YPEL2: variants seen among roughly 807,000 people sequenced by gnomAD.
YPEL2 encodes protein yippee-like 2.
YPEL2 carries 2 observed loss-of-function variants against 19.1 expected under a neutral mutation model. That is an observed-to-expected ratio of 0.10 (90% confidence interval 0.04 to 0.33). YPEL2 has a LOEUF of 0.33. YPEL2 is among the 10% of genes least tolerant of loss of function. YPEL2 has a pLI of 1.00. For missense variants in YPEL2, 66 were observed against 140.7 expected (o/e 0.47, Z 2.68); for synonymous variants, 52 against 50.0 (o/e 1.04, Z -0.17).
intron 4 of YPEL2, among the ~76,000 whole-genome samples, 176 bp downstream of exon 4, chr17:59,389,644 A>C (rs1347594162): frequency 6.6e-6 from 1 of 151,802 alleles, no homozygotes; most frequent in South Asian, 2.1e-4. Context: ...CCCTCCTCCT[A>C]TTCATTCCTT....
intron 2 of YPEL2, among the ~76,000 whole-genome samples, chr17:59,376,969 A>C (rs1444229098): frequency 2.7e-5 from 4 of 150,502 alleles, no homozygotes; most frequent in South Asian, 4.2e-4. Context: ...AAAAAAAAAA[A>C]AAAAAACAAA....
intron 2 of YPEL2, among the ~76,000 whole-genome samples, chr17:59,385,565 G>A (rs922150029): frequency 2.0e-5 from 3 of 152,088 alleles, no homozygotes; most frequent in African/African-American, 4.8e-5. Context: ...GTGACAGAGC[G>A]AGACCTTGTC....
chr17:59,379,500 A>G (rs1341740582), intron 2 of YPEL2, among the ~76,000 whole-genome samples: 1 of 152,180 alleles, frequency 6.6e-6, no homozygotes, highest in African/African-American at 2.4e-5. Context: ...CACACTTCTG[A>G]TGCCTTCTCA....
rs556386015 is a variant in YPEL2, at chr17:59,371,509, T to A, written c.118-16818T>A. ...AGTGTTGAGAGGCAAGCAAACTCTGTGTTTGTGTGAGCTGGAGAATGCAGG... is the reference window on the plus strand; with the variant it reads ...AGTGTTGAGAGGCAAGCAAACTCTGAGTTTGTGTGAGCTGGAGAATGCAGG... On this transcript the variant is annotated intron_variant, in intron 2 of 4. Coordinates refer to ENST00000312655, the MANE Select transcript of YPEL2 (RefSeq NM_001005404.4). Among the ~76,000 whole-genome samples, 3 of 152,230 alleles carry A rather than the reference T, an allele frequency of 2.0e-5. No individual in the cohort carries two copies. The East Asian group carries it at 5.8e-4, about 29-fold the overall frequency.
intron 2 of YPEL2, among the ~76,000 whole-genome samples, chr17:59,364,198 G>A (rs995377666): frequency 6.6e-6 from 1 of 152,294 alleles, no homozygotes; most frequent in East Asian, 1.9e-4. Flanking sequence ...TGAACCTGGA[G>A]TTTCTAGTTC....
At chr17:59,387,474 T>G (rs1175028025) in intron 2 of YPEL2, among the ~76,000 whole-genome samples, 1 of 151,982 alleles carries the variant, frequency 6.6e-6, no homozygotes, top group African/African-American at 2.4e-5. Flanking sequence ...AGGACACTGT[T>G]GTTAGACCAC....
At chr17:59,348,513 T>C (rs1386658453) in intron 1 of YPEL2, among the ~76,000 whole-genome samples, 1 of 152,230 alleles carries the variant, frequency 6.6e-6, no homozygotes, top group African/African-American at 2.4e-5. Flanking sequence ...GCTGGCCAGG[T>C]TGGCATGTGC....
At chr17:59,389,493 T>G in intron 4 of YPEL2, 25 bp downstream of exon 4, 1 of 1,585,066 alleles carries the variant, frequency 6.3e-7, no homozygotes, top group East Asian at 2.2e-5. Context: ...GTTTGGTTGG[T>G]AGAGGGCTGG....
At chr17:59,343,610 A>T (rs912319141) in intron 1 of YPEL2, among the ~76,000 whole-genome samples, 2 of 152,174 alleles carry the variant, frequency 1.3e-5, no homozygotes, top group Non-Finnish European at 2.9e-5. Flanking sequence ...AAGGCATTAT[A>T]GGAGCTGGAA....
intron 1 of YPEL2, among the ~76,000 whole-genome samples, chr17:59,337,134 G>A (rs1329827204): frequency 6.6e-6 from 1 of 151,714 alleles, no homozygotes; most frequent in Non-Finnish European, 1.5e-5. Context: ...TATTGTTGAA[G>A]ACTAGCTACA....
intron 2 of YPEL2, among the ~76,000 whole-genome samples, chr17:59,385,737 C>G (rs1471122948): frequency 6.6e-6 from 1 of 152,124 alleles, no homozygotes; most frequent in Non-Finnish European, 1.5e-5. Context: ...GATGTTTTCA[C>G]AGGTATATAC....
At chr17:59,368,051 A>T (rs1185147360) in intron 2 of YPEL2, among the ~76,000 whole-genome samples, 1 of 152,158 alleles carries the variant, frequency 6.6e-6, no homozygotes, top group Non-Finnish European at 1.5e-5. Flanking sequence ...AGCACTGGGG[A>T]TACAGAAATG....
intron 4 of YPEL2, among the ~76,000 whole-genome samples, chr17:59,392,498 T>C (rs2048012289): frequency 6.9e-6 from 1 of 145,476 alleles, no homozygotes; most frequent in Non-Finnish European, 1.5e-5. Flanking sequence ...ATGTGCCAGC[T>C]CAGGGCACGT....
At chr17:59,395,693 A>G (rs2048035308) in intron 4 of YPEL2, among the ~76,000 whole-genome samples, 1 of 152,162 alleles carries the variant, frequency 6.6e-6, no homozygotes, top group Admixed American at 6.5e-5. Context: ...TAGAAGCAGC[A>G]AGAAAAACCG....
At chr17:59,382,220 C>T (rs573145145) in intron 2 of YPEL2, among the ~76,000 whole-genome samples, 1 of 152,350 alleles carries the variant, frequency 6.6e-6, no homozygotes, top group East Asian at 1.9e-4. Flanking sequence ...ACCTGAGTGG[C>T]TATGGCCACC....
At chr17:59,373,946 C>T (rs925941126) in intron 2 of YPEL2, among the ~76,000 whole-genome samples, 2 of 152,158 alleles carry the variant, frequency 1.3e-5, no homozygotes, top group Non-Finnish European at 2.9e-5. Context: ...TTGCTTTTTA[C>T]GCAGATAAAC....
chr17:59,396,807 G>C (rs1336421486), intron 4 of YPEL2, among the ~76,000 whole-genome samples: 1 of 152,154 alleles, frequency 6.6e-6, no homozygotes, highest in African/African-American at 2.4e-5. Flanking sequence ...AAGGTGAGTG[G>C]ATCACCTGAG....
intron 1 of YPEL2, among the ~76,000 whole-genome samples, chr17:59,338,585 G>A (rs2047711113): frequency 6.6e-6 from 1 of 152,198 alleles, no homozygotes; most frequent in African/African-American, 2.4e-5. Context: ...GCACTGAGGT[G>A]TGAATATAAG....
rs1243516385 is a variant in YPEL2 at position 59,398,382 on chromosome 17, G to A, written c.*1192G>A. 6.6e-6 allele frequency: 1 copy of A among 152,204 alleles called. No homozygotes were observed. 9.4% of individuals were successfully genotyped at this position (152,204 alleles called of 1,614,324 possible). A position where few individuals can be genotyped will look rare whatever the true frequency, so the allele number is the denominator to read the frequency against. The stretch of plus-strand genomic sequence containing the variant: ...AGAAAGCACGGGCCCCAGGCTCTGA[G>A]CTTAGTAATAACCTGGCTGGTAGAT... On this transcript the variant is annotated 3_prime_UTR_variant, in exon 5 of 5. Transcript: ENST00000312655.
Sources: gnomAD v4.1 joint callset for allele counts (sites outside exome capture counted in the v4.1 genomes callset) on GRCh38, gnomAD v4.1.1 for gene constraint, MANE v1.5 for transcripts, NCBI Gene and HGNC (gene_info 2026-07-23, HGNC 2026-07-21) for gene names.